The following NAV2 variants were observed in gnomAD, a reference collection of about 807,000 sequenced individuals.
NAV2 encodes the protein neuron navigator 2.
A neutral mutation model predicts 223.2 loss-of-function variants in NAV2; 54 were observed. The ratio of observed to expected loss-of-function variants is 0.24; its 90% CI spans 0.19 to 0.30. The LOEUF (loss-of-function observed/expected upper bound fraction) is 0.30. NAV2 is among the 10% of genes least tolerant of loss of function. The pLI is 1.00. For synonymous variants in NAV2, 1,279 were observed against 1,239.3 expected, an observed-to-expected ratio of 1.03 and a Z score of -0.67; for missense variants, 2,806 against 3,147.5, an observed-to-expected ratio of 0.89 and a Z score of 2.60.
intron 8 of NAV2, among the ~76,000 whole-genome samples, chr11:19,945,205 T>TTCC (rs1565615394): frequency 0.042 from 1,683 of 40,308 alleles, 115 homozygotes; most frequent in Middle Eastern, 0.086. Flanking sequence ...CCCTTCCCTT[T>TTCC]CTTTCCTTTC....
At chr11:20,013,431 C>G (rs372548510) in intron 11 of NAV2, among the ~76,000 whole-genome samples, 2 of 151,806 alleles carry the variant, frequency 1.3e-5, no homozygotes, top group Admixed American at 6.6e-5. Context: ...AGCTAGCCTT[C>G]CCGCTAGGCA....
rs189575618 is a variant in NAV2 at position 19,854,302 on chromosome 11, T to C, written c.438+11379T>C. The stretch of plus-strand genomic sequence containing the variant: ...GACGTTGTAAGGCATGGTTAGCCTA[T>C]GGCATCTGCATGTTGGAAACTGGTC... On this transcript the variant is annotated intron_variant, in intron 3 of 37. Coordinates refer to ENST00000349880, the MANE Select transcript of NAV2 (RefSeq NM_145117.5). Among the ~76,000 whole-genome samples, 46 of 152,336 alleles carry C rather than the reference T, an allele frequency of 3.0e-4. 1 individual carries two copies. The highest frequency in any genetic ancestry group is 5.1e-4 in the Non-Finnish European group (35 of 68,024).
chr11:19,933,594 C>T lies in NAV2; in HGVS notation c.1350C>T (p.Thr450=), dbSNP rs764476666. ...TGGAGGCCGCCAGTCGCATGCTCAC[C>T]ACCGTGGGCCCTGCTTCCAGCAGCC... ...EELEAASRML[T]TVGPASSSPK... is the part of the protein sequence containing the mutation. The change falls in exon 7 of 38, where the codon ACC becomes ACT. Residue 450 remains threonine (T), a synonymous_variant. Coordinates refer to ENST00000349880, the MANE Select transcript of NAV2 (RefSeq NM_145117.5). This position sits in a 1 kb window ranked among gnomAD's most constrained non-coding sequence, Gnocchi z 4.3. 1.9e-6 allele frequency: 3 copies of T among 1,613,222 alleles called. No homozygotes were observed. In the Admixed American group the frequency reaches 5.0e-5, roughly 27 times the overall value.
rs114652536 is a variant in NAV2 at position 19,954,141 on chromosome 11, C to A, written c.2645+5061C>A. Among the ~76,000 whole-genome samples, 1,443 of 152,240 alleles carry A rather than the reference C, an allele frequency of 9.5e-3. 24 individuals are homozygous for A. Among genetic ancestry groups the A allele is most frequent in the African/African-American group, 0.033 (1,374 of 41,534 alleles). Reference sequence around the variant, plus strand: ...TTGATAGAGGCTGTGGTCTCAATTCCTTTTCACTGTGAGTCATTGTGTTGG... The same window carrying A: ...TTGATAGAGGCTGTGGTCTCAATTCATTTTCACTGTGAGTCATTGTGTTGG... On this transcript the variant is annotated intron_variant, in intron 10 of 37. Coordinates refer to ENST00000349880, the MANE Select transcript of NAV2 (RefSeq NM_145117.5).
Position 19,357,065 on chromosome 11 carries a change from A to G in NAV2, c.75+6038A>G, listed in dbSNP as rs937334279. ...ACTTTGGCTTTGCAGCTCTATCCCA[A>G]CCTGGCTTCCAGAAACCAAATCATT... On this transcript the variant is annotated intron_variant, in intron 1 of 37. Transcript: ENST00000360655. Among the ~76,000 whole-genome samples the G allele has an allele frequency of 2.0e-5, 3 of 152,232 alleles. No homozygotes were observed. The East Asian group carries it at 5.8e-4, about 29-fold the overall frequency.
intron 1 of NAV2, among the ~76,000 whole-genome samples, chr11:19,545,305 A>G (rs919983629): frequency 1.3e-5 from 2 of 152,220 alleles, no homozygotes; most frequent in Non-Finnish European, 2.9e-5. Flanking sequence ...CGGGCAGCCA[A>G]CTGAATTATT....
At chr11:19,697,647 C>T (rs1161849443) in intron 1 of NAV2, among the ~76,000 whole-genome samples, 3 of 152,096 alleles carry the variant, frequency 2.0e-5, no homozygotes, top group Non-Finnish European at 4.4e-5. Flanking sequence ...GGGACCCCGA[C>T]TGGGACACTG....
At chr11:19,531,626 A>G (rs2044030316) in intron 1 of NAV2, among the ~76,000 whole-genome samples, 1 of 152,204 alleles carries the variant, frequency 6.6e-6, no homozygotes, top group Admixed American at 6.5e-5. Flanking sequence ...CCAGTTGCTG[A>G]GACAGGGGAG....
chr11:19,800,154 C>CA (rs1291585833), intron 1 of NAV2, among the ~76,000 whole-genome samples: 1 of 152,214 alleles, frequency 6.6e-6, no homozygotes, highest in Non-Finnish European at 1.5e-5. Flanking sequence ...GCCCCCACTA[C>CA]ACCTCTGTCC....
At chr11:19,603,998 G>A (rs1590658048) in intron 1 of NAV2, among the ~76,000 whole-genome samples, 1 of 152,164 alleles carries the variant, frequency 6.6e-6, no homozygotes, top group African/African-American at 2.4e-5. Flanking sequence ...CATGTTCAAG[G>A]AACAGCAAGG....
chr11:19,954,523 C>T (rs989073494), intron 10 of NAV2, among the ~76,000 whole-genome samples: 1 of 152,090 alleles, frequency 6.6e-6, no homozygotes, highest in Non-Finnish European at 1.5e-5. Flanking sequence ...TGCATATAAC[C>T]TATGTAGATC....
In NAV2 at chr11:19,943,561, T is replaced by C. The variant is rs1172247708; in HGVS notation, c.2147-2840T>C. Among the ~76,000 whole-genome samples, 5 of 152,184 alleles carry C rather than the reference T, an allele frequency of 3.3e-5. No homozygotes were observed. In the East Asian group the frequency reaches 9.7e-4, roughly 29 times the overall value. On this transcript the variant is annotated intron_variant, in intron 8 of 37. Coordinates refer to ENST00000349880, the MANE Select transcript of NAV2 (RefSeq NM_145117.5). ...CCATGCCAAGAACGACCTAAGAAAG[T>C]TGTCATCTATCTCAGAAGAAAAGTT...
At chr11:19,790,110 C>T (rs578059395) in intron 1 of NAV2, among the ~76,000 whole-genome samples, 12 of 152,246 alleles carry the variant, frequency 7.9e-5, no homozygotes, top group East Asian at 3.9e-4. Flanking sequence ...ATCTTGTGGG[C>T]GGCTCTCATG....
At chr11:19,608,377 G>A (rs1375502802) in intron 1 of NAV2, among the ~76,000 whole-genome samples, 3 of 152,238 alleles carry the variant, frequency 2.0e-5, no homozygotes, top group Non-Finnish European at 4.4e-5. Context: ...TGAAAAGAAA[G>A]CACAAGAAAA....
chr11:19,553,509 CCA>C (rs112504639), intron 1 of NAV2, among the ~76,000 whole-genome samples: 1 of 151,260 alleles, frequency 6.6e-6, no homozygotes, highest in South Asian at 2.1e-4. Context: ...GTAATGCAGA[CCA>C]CACACACACA....
intron 1 of NAV2, among the ~76,000 whole-genome samples, chr11:19,529,625 G>A (rs115901451): frequency 0.023 from 3,520 of 152,284 alleles, 136 homozygotes; most frequent in African/African-American, 0.081. Context: ...CCAGGGGTAC[G>A]GGAACTTTTC....
chr11:19,933,870 C>T lies in NAV2; in HGVS notation c.1626C>T (p.Phe542=), dbSNP rs146546969. The part of the protein sequence containing the change: ...MPKKSSKIAS[F]IPKGGKLNSA... ...AAAAGTCCTCCAAGATTGCCAGCTT[C>T]ATCCCCAAAGGGGGGAAGCTCAACA... is the stretch of plus-strand genomic sequence containing the variant. The change falls in exon 7 of 38, where the codon TTC becomes TTT. Residue 542 remains phenylalanine (F), a synonymous_variant. Coordinates refer to ENST00000349880, the MANE Select transcript of NAV2 (RefSeq NM_145117.5). This position sits in a 1 kb window ranked among gnomAD's most constrained non-coding sequence, Gnocchi z 4.3. 11 of 1,602,738 alleles carry T rather than the reference C, an allele frequency of 6.9e-6. No homozygotes were observed. In the Admixed American group the frequency reaches 1.7e-4, roughly 25 times the overall value.
At chr11:19,691,812 G>A (rs1003280499) in intron 1 of NAV2, among the ~76,000 whole-genome samples, 1 of 152,118 alleles carries the variant, frequency 6.6e-6, no homozygotes, top group South Asian at 2.1e-4. Flanking sequence ...TCCACCTTAC[G>A]TCATTCATTT....
intron 10 of NAV2, among the ~76,000 whole-genome samples, chr11:19,958,372 GA>G (rs1450668946): frequency 1.3e-5 from 2 of 152,250 alleles, no homozygotes; most frequent in Non-Finnish European, 2.9e-5. Context: ...CGCTGTGAAG[GA>G]AAGATCATGC....
Sources: gnomAD v4.1 joint callset for allele counts (sites outside exome capture counted in the v4.1 genomes callset) on GRCh38, gnomAD v4.1.1 for gene constraint, Gnocchi (gnomAD v3.1) non-coding constraint, MANE v1.5 for transcripts, NCBI Gene and HGNC (gene_info 2026-07-23, HGNC 2026-07-21) for gene names.